VWF: variants seen among roughly 807,000 people sequenced by gnomAD.
The protein encoded by VWF is Factor VIII related antigen.
A neutral mutation model predicts 308.6 loss-of-function variants in VWF; 176 were observed. That is an observed-to-expected ratio of 0.57 (90% CI 0.50 to 0.65). The LOEUF (loss-of-function observed/expected upper bound fraction) is 0.65. Among genes scored for constraint, VWF ranks in the 30% least tolerant of loss-of-function variants. The pLI is 0.00. For synonymous variants in VWF, 1,385 were observed against 1,443.4 expected, an observed-to-expected ratio of 0.96 and a Z score of 0.92; for missense variants, 3,146 against 3,648.2, an observed-to-expected ratio of 0.86 and a Z score of 3.55.
rs756429337 is a variant in VWF, at chr12:5,967,570, C to T, written c.7803G>A (p.Thr2601=). Residue 2601 remains threonine (T), a synonymous_variant, in exon 47 of 52, where the codon ACG becomes ACA. Coordinates refer to ENST00000261405, the MANE Select transcript of VWF (RefSeq NM_000552.5). ...CCACCTGCACCATGCAGCGGCAGGTCGTGCACACATCGATCATCACAGTCT... is the reference window on the plus strand; with the variant it reads ...CCACCTGCACCATGCAGCGGCAGGTTGTGCACACATCGATCATCACAGTCT... The part of the protein sequence containing the change: ...PGKTVMIDVC[T]TCRCMVQVGV... 1.1e-5 allele frequency: 18 copies of T among 1,613,886 alleles called. No homozygotes were observed. The highest frequency in any genetic ancestry group is 1.4e-5 in the Non-Finnish European group (17 of 1,180,012).
rs149677556 is a variant in VWF at position 5,976,170 on chromosome 12, C to A, written c.7378G>T (p.Val2460Leu). ...CACTGGGCCACGCGGAGGCCCATCA[C>A]GGCATCCTCCATGTCGGTGCAGGTG... Reference protein sequence around the residue: ...VCTCTDMEDAVMGLRVAQCSQ... With the variant: ...VCTCTDMEDALMGLRVAQCSQ... The change falls in exon 43 of 52, where the codon GTG (valine) becomes TTG (leucine). Residue 2460 changes from valine to leucine, a missense_variant. Val to Leu is a conservative substitution (Grantham distance 32). This residue lies in a region of VWF where 989 missense variants were observed against 1,117.4 expected (regional missense o/e 0.89). Coordinates refer to ENST00000261405, the MANE Select transcript of VWF (RefSeq NM_000552.5). The A allele has an allele frequency of 6.2e-7, 1 of 1,614,150 alleles. No individual in the cohort carries two copies. The highest frequency in any genetic ancestry group is 1.3e-5 in the African/African-American group (1 of 75,064).
In VWF at chr12:5,950,166, C is replaced by T. The variant is rs1439516358; in HGVS notation, c.8156-283G>A. On this transcript the variant is annotated intron_variant, in intron 50 of 51. Transcript: ENST00000261405. ...CTATGGTGATGTAAAATGAGGAAGA[C>T]TTGCCTTTGTATCATTGTAGACTCT... 5.3e-5 allele frequency among the ~76,000 whole-genome samples: 8 copies of T among 152,304 alleles called. No individual in the cohort carries two copies. The East Asian group carries it at 1.5e-3, about 29-fold the overall frequency.
At chr12:6,107,663 T>A (rs758025136) in intron 5 of VWF, among the ~76,000 whole-genome samples, 1 of 151,648 alleles carries the variant, frequency 6.6e-6, no homozygotes, top group Non-Finnish European at 1.5e-5. Flanking sequence ...AATATATATA[T>A]ATATATATTT....
chr12:5,957,789 A>T (rs2136344017), intron 47 of VWF, among the ~76,000 whole-genome samples: 1 of 152,344 alleles, frequency 6.6e-6, no homozygotes, highest in African/African-American at 2.4e-5. Context: ...GGAAATTCAG[A>T]TATATAAGAA....
chr12:5,967,385 T>C (rs1943415207), intron 47 of VWF, 101 bp downstream of exon 47: 1 of 991,278 alleles, frequency 1.0e-6, no homozygotes, highest in African/African-American at 1.6e-5. Flanking sequence ...AATCAGAAAA[T>C]AATGAGAGAT....
At chr12:6,045,119 G>A (rs1308822287) in intron 17 of VWF, among the ~76,000 whole-genome samples, 1 of 152,196 alleles carries the variant, frequency 6.6e-6, no homozygotes, top group Non-Finnish European at 1.5e-5. Flanking sequence ...CATGAAGCCA[G>A]GGATTTCTAT....
At chr12:5,964,250 G>GCATACATACATA (rs202210763) in intron 47 of VWF, among the ~76,000 whole-genome samples, 26 of 122,384 alleles carry the variant, frequency 2.1e-4, no homozygotes, top group South Asian at 9.6e-4. Context: ...ATACATACAT[G>GCATACATACATA]CATACATACA....
intron 5 of VWF, among the ~76,000 whole-genome samples, chr12:6,102,319 G>A (rs992358594): frequency 2.0e-5 from 3 of 152,210 alleles, no homozygotes; most frequent in Admixed American, 1.3e-4. Context: ...ATGTGTGCCT[G>A]TAATCCCAGC....
chr12:6,065,672 C>T (rs1007866083), intron 10 of VWF, among the ~76,000 whole-genome samples: 2 of 152,302 alleles, frequency 1.3e-5, no homozygotes. Context: ...CTGGTGCCAG[C>T]GGAATGCCTG....
At chr12:5,961,302 G>A (rs999151582) in intron 47 of VWF, among the ~76,000 whole-genome samples, 2 of 152,092 alleles carry the variant, frequency 1.3e-5, no homozygotes, top group Non-Finnish European at 2.9e-5. Context: ...GACCCTAGTC[G>A]ATGGAAAAAC....
chr12:6,024,075 T>C lies in VWF; in HGVS notation c.3223-288A>G, dbSNP rs1944164921. On this transcript the variant is annotated intron_variant, in intron 24 of 51. Coordinates refer to ENST00000261405, the MANE Select transcript of VWF (RefSeq NM_000552.5). This position sits in a 1 kb window ranked among gnomAD's most constrained non-coding sequence, Gnocchi z 4.0. ...AGAACATTCCCTCTGTCCCTCTGCC[T>C]ACCTCCCTGCTCAGCCACCCATCTG... 1.3e-5 allele frequency among the ~76,000 whole-genome samples: 2 copies of C among 152,234 alleles called. No homozygotes were observed. Among genetic ancestry groups the C allele is most frequent in the Non-Finnish European group, 2.9e-5 (2 of 68,048 alleles).
intron 6 of VWF, among the ~76,000 whole-genome samples, chr12:6,077,726 C>T (rs1271461914): frequency 6.6e-6 from 1 of 152,162 alleles, no homozygotes; most frequent in African/African-American, 2.4e-5. Context: ...CCCGGGACCA[C>T]TTAGGTCTCA....
intron 35 of VWF, among the ~76,000 whole-genome samples, chr12:5,995,037 G>A (rs1345005367): frequency 6.6e-6 from 1 of 152,126 alleles, no homozygotes; most frequent in African/African-American, 2.4e-5. Flanking sequence ...CTGTGGTGGT[G>A]GATATCAGAA....
chr12:5,981,604 G>A (rs928017333), intron 42 of VWF, among the ~76,000 whole-genome samples, 182 bp downstream of exon 42: 1 of 152,108 alleles, frequency 6.6e-6, no homozygotes, highest in African/African-American at 2.4e-5. Context: ...TGTAGCACTT[G>A]GTTTGGGCAA....
At chr12:6,050,872 T>C (rs907663411) in intron 16 of VWF, among the ~76,000 whole-genome samples, 1 of 151,938 alleles carries the variant, frequency 6.6e-6, no homozygotes, top group Admixed American at 6.6e-5. Flanking sequence ...AGAGAATCGC[T>C]TGAACCCCAG....
chr12:5,970,549 G>C (rs1317966434), intron 44 of VWF, among the ~76,000 whole-genome samples: 1 of 152,172 alleles, frequency 6.6e-6, no homozygotes, highest in African/African-American at 2.4e-5. Context: ...TCCATCCAGG[G>C]CACATGGGAG....
chr12:5,973,161 G>A (rs1325693004), intron 43 of VWF, among the ~76,000 whole-genome samples: 1 of 152,090 alleles, frequency 6.6e-6, no homozygotes, highest in Non-Finnish European at 1.5e-5. Flanking sequence ...CAGCAACCCT[G>A]TTTTCTGGCT....
At chr12:5,979,199 T>G (rs1943565484) in intron 42 of VWF, among the ~76,000 whole-genome samples, 1 of 152,206 alleles carries the variant, frequency 6.6e-6, no homozygotes, top group African/African-American at 2.4e-5. Flanking sequence ...TTATTCTACT[T>G]TGTCTAAAGT....
At chr12:6,119,990 T>C (rs1350090768) in intron 3 of VWF, among the ~76,000 whole-genome samples, 2 of 152,234 alleles carry the variant, frequency 1.3e-5, no homozygotes, top group Admixed American at 6.5e-5. Context: ...CCAGAAGTCA[T>C]ATGTGATAAG....
Sources: allele counts gnomAD v4.1 joint callset (sites outside exome capture counted in the v4.1 genomes callset), GRCh38; gene constraint gnomAD v4.1.1; regional missense constraint gnomAD v4.1.1; non-coding constraint Gnocchi (gnomAD v3.1); transcripts MANE v1.5; gene names NCBI Gene and HGNC (gene_info 2026-07-23, HGNC 2026-07-21).